Variants in KPNA1 observed in about 807,000 individuals in gnomAD.
The protein encoded by KPNA1 is importin subunit alpha-5.
KPNA1 carries 10 observed loss-of-function variants against 70.5 expected under a neutral mutation model. The ratio of observed to expected loss-of-function variants is 0.14; its 90% CI spans 0.09 to 0.24. The LOEUF (loss-of-function observed/expected upper bound fraction) is 0.24. KPNA1 is among the 10% of genes least tolerant of loss of function. The pLI is 1.00. For synonymous variants in KPNA1, 192 were observed against 221.9 expected (o/e 0.87, Z 1.20); for missense variants, 397 against 637.9 (o/e 0.62, Z 4.07).
At chr3:122,475,168 T>C (rs182599152) in intron 2 of KPNA1, among the ~76,000 whole-genome samples, 5 of 152,162 alleles carry the variant, frequency 3.3e-5, no homozygotes, top group Admixed American at 3.3e-4. Flanking sequence ...TTGTAGGATA[T>C]AAAATCAATA....
chr3:122,483,357 T>TG (rs139568544), intron 2 of KPNA1: 6,653 of 155,892 alleles, frequency 0.043, 217 homozygotes, highest in Non-Finnish European at 0.066. Flanking sequence ...TGTTTTGTTT[T>TG]TTTTAAATTG....
At chr3:122,497,671 T>C (rs182629390) in intron 1 of KPNA1, among the ~76,000 whole-genome samples, 3 of 152,232 alleles carry the variant, frequency 2.0e-5, no homozygotes, top group Non-Finnish European at 2.9e-5. Flanking sequence ...TGATGACTAA[T>C]GAGATAGAGC....
At chr3:122,443,683 T>G (rs1560022948) in intron 9 of KPNA1, among the ~76,000 whole-genome samples, 1 of 152,152 alleles carries the variant, frequency 6.6e-6, no homozygotes, top group Admixed American at 6.5e-5. Context: ...GCAGGTTCCG[T>G]GATGCTCCCA....
intron 2 of KPNA1, among the ~76,000 whole-genome samples, chr3:122,470,220 C>T (rs2076425203): frequency 1.3e-5 from 2 of 152,084 alleles, no homozygotes; most frequent in Admixed American, 1.3e-4. Context: ...TCTGTATAAG[C>T]TAAATAAGTA....
intron 1 of KPNA1, among the ~76,000 whole-genome samples, chr3:122,508,361 TA>T (rs2076914810): frequency 1.3e-5 from 2 of 152,222 alleles, no homozygotes; most frequent in African/African-American, 4.8e-5. Context: ...ATCCAGGTAC[TA>T]TCCCTCCTTA....
chr3:122,506,611 C>G (rs1185337984), intron 1 of KPNA1, among the ~76,000 whole-genome samples: 1 of 152,162 alleles, frequency 6.6e-6, no homozygotes, highest in Non-Finnish European at 1.5e-5. Flanking sequence ...AAAGCTTTTC[C>G]TGTGAGAAGT....
At chr3:122,472,028 C>T (rs1303488874) in intron 2 of KPNA1, among the ~76,000 whole-genome samples, 4 of 152,082 alleles carry the variant, frequency 2.6e-5, no homozygotes, top group Non-Finnish European at 4.4e-5. Context: ...CTATCAGAAA[C>T]GGCCAGATCA....
At chr3:122,443,099 AAACACTGTGCTTTTCCC>A (rs2076087068) in intron 9 of KPNA1, 1 of 152,330 alleles carries the variant, frequency 6.6e-6, no homozygotes, top group African/African-American at 2.4e-5. Flanking sequence ...CACCCCGCCC[AAACACTGTGCTTTTCCC>A]ACAGTCTTAG....
At chr3:122,452,608 A>C in intron 6 of KPNA1, among the ~76,000 whole-genome samples, 1 of 69,462 alleles carries the variant, frequency 1.4e-5, no homozygotes, top group African/African-American at 5.7e-5. Flanking sequence ...GAAGGAAGGA[A>C]GGGAGGGAGG....
chr3:122,483,997 AC>A (rs2076601309), intron 2 of KPNA1, among the ~76,000 whole-genome samples: 1 of 152,192 alleles, frequency 6.6e-6, no homozygotes, highest in African/African-American at 2.4e-5. Flanking sequence ...CCTAAAGAAA[AC>A]CACTCCTTGA....
At position 122,433,646 on chromosome 3, in the gene KPNA1, C is replaced by CT. The variant is rs1344715044; in HGVS notation, c.1250+14dup. 27 of 1,575,346 alleles carry CT rather than the reference C, an allele frequency of 1.7e-5. No homozygotes were observed. The highest frequency in any genetic ancestry group is 2.3e-5 in the Non-Finnish European group (27 of 1,165,210). Reference sequence around the variant, plus strand: ...TTTTCTTTAACTTACAATATGCTGCCTGATTGGTACTTACTTGATCTGTTC... The same window carrying CT: ...TTTTCTTTAACTTACAATATGCTGCCTTGATTGGTACTTACTTGATCTGTTC... On this transcript the variant is annotated intron_variant, in intron 12 of 13. Coordinates refer to ENST00000344337, the MANE Select transcript of KPNA1 (RefSeq NM_002264.4).
intron 2 of KPNA1, among the ~76,000 whole-genome samples, chr3:122,484,938 C>T (rs1193717859): frequency 1.3e-5 from 2 of 152,180 alleles, no homozygotes; most frequent in Non-Finnish European, 2.9e-5. Flanking sequence ...CGCTTTGACG[C>T]CCAGGCTGGA....
At chr3:122,460,273 G>GA (rs1005782747) in intron 5 of KPNA1, 14 of 982,990 alleles carry the variant, frequency 1.4e-5, no homozygotes, top group Non-Finnish European at 1.7e-5. Context: ...TATCCAGGGG[G>GA]AAAAAAAATA....
intron 1 of KPNA1, among the ~76,000 whole-genome samples, chr3:122,513,390 T>C (rs988715754): frequency 1.3e-5 from 2 of 152,218 alleles, no homozygotes; most frequent in African/African-American, 4.8e-5. Flanking sequence ...TCAGTAAAAA[T>C]ACAACAGAAC....
intron 1 of KPNA1, among the ~76,000 whole-genome samples, chr3:122,504,901 G>C (rs2107507247): frequency 6.6e-6 from 1 of 151,868 alleles, no homozygotes; most frequent in Middle Eastern, 3.4e-3. Context: ...TTGTTCTGTT[G>C]GGAGAGACTC....
chr3:122,479,164 A>C (rs1302491175), intron 2 of KPNA1, among the ~76,000 whole-genome samples: 1 of 152,198 alleles, frequency 6.6e-6, no homozygotes, highest in Non-Finnish European at 1.5e-5. Flanking sequence ...ATATATAAAA[A>C]ACTTAACAGG....
At chr3:122,436,618 C>T (rs1413600188) in intron 11 of KPNA1, among the ~76,000 whole-genome samples, 1 of 152,012 alleles carries the variant, frequency 6.6e-6, no homozygotes, top group Non-Finnish European at 1.5e-5. Context: ...TTTCTTGGGT[C>T]TTGGTGAAAC....
At chr3:122,438,389 T>C (rs866776085) in intron 10 of KPNA1, among the ~76,000 whole-genome samples, 3 of 144,286 alleles carry the variant, frequency 2.1e-5, no homozygotes, top group African/African-American at 8.0e-5. Flanking sequence ...ATTTCTTTTT[T>C]GTTTTTTTTT....
chr3:122,432,289 C>A (rs990677247), intron 12 of KPNA1, among the ~76,000 whole-genome samples: 12 of 152,168 alleles, frequency 7.9e-5, no homozygotes, highest in Non-Finnish European at 1.5e-4. Flanking sequence ...AAAAAACCTA[C>A]AAGACAAATG....
Sources: gnomAD v4.1 joint callset for allele counts (sites outside exome capture counted in the v4.1 genomes callset) on GRCh38, gnomAD v4.1.1 for gene constraint, MANE v1.5 for transcripts, NCBI Gene and HGNC (gene_info 2026-07-23, HGNC 2026-07-21) for gene names.